PRICKLE3: variants seen among roughly 807,000 people sequenced by gnomAD.
PRICKLE3 encodes LIM domain only protein 6.
PRICKLE3 carries 17 observed loss-of-function variants against 33.8 expected under a neutral mutation model. The observed-to-expected ratio is 0.50, with a 90% CI of 0.34 to 0.75. PRICKLE3 has a LOEUF of 0.75. Ranked by LOEUF, PRICKLE3 falls within the 30% of genes least tolerant of loss-of-function variation. The probability of loss-of-function intolerance (pLI) is 0.01; values close to 1 mark genes in which losing one functional copy is unlikely to be tolerated. For missense variants in PRICKLE3, 573 were observed against 576.7 expected, an observed-to-expected ratio of 0.99 and a Z score of 0.07; for synonymous variants, 211 against 219.6, an observed-to-expected ratio of 0.96 and a Z score of 0.34.
intron 8 of PRICKLE3, 74 bp downstream of exon 8, chrX:49,176,829 G>C: frequency 9.6e-7 from 1 of 1,044,146 alleles, no homozygotes; most frequent in Non-Finnish European, 1.3e-6. Context: ...AGAAGGAAGG[G>C]CCAGGGCTGA....
At position 49,174,986 on chromosome X, in the gene PRICKLE3, T is replaced by C; in HGVS notation, c.*687A>G. Reference sequence around the variant, plus strand: ...AAATGAGGGAAGTGGGGAGTTAGATTTCAGAGTCCAGGCCCTAGGTTGGGA... The same window carrying C: ...AAATGAGGGAAGTGGGGAGTTAGATCTCAGAGTCCAGGCCCTAGGTTGGGA... On this transcript the variant is annotated 3_prime_UTR_variant, in exon 9 of 9. Transcript: ENST00000599218. The C allele has an allele frequency of 2.3e-6, 1 of 428,297 alleles. No homozygotes were observed. The allele number at this position is 428,297 out of a possible 1,213,427, so 35.3% of individuals were successfully genotyped here.
At chrX:49,178,215 G>C in intron 6 of PRICKLE3, 36 bp from the exon 7 acceptor site, 1 of 1,197,871 alleles carries the variant, frequency 8.3e-7, no homozygotes, top group Admixed American at 2.2e-5. Context: ...TGTCAGATGA[G>C]CCTGCTCCTG....
At chrX:49,183,372 A>C (rs1312766121) in intron 3 of PRICKLE3, among the ~76,000 whole-genome samples, 1 of 111,587 alleles carries the variant, frequency 9.0e-6, no homozygotes, top group Non-Finnish European at 1.9e-5. Flanking sequence ...AGCCTGGGCA[A>C]CATAGGGAGA....
At chrX:49,177,279 C>T in intron 7 of PRICKLE3, 77 bp from the exon 8 acceptor site, 1 of 1,005,377 alleles carries the variant, frequency 9.9e-7, no homozygotes, top group Non-Finnish European at 1.3e-6. Flanking sequence ...CGAGTCCCTT[C>T]TCAAGAAGAG....
Position 49,178,394 on chromosome X carries a change from A to C in PRICKLE3, c.646T>G (p.Phe216Val). 8.3e-7 allele frequency: 1 copy of C among 1,211,827 alleles called. No homozygotes were observed. Among genetic ancestry groups the C allele is most frequent in the Non-Finnish European group, 1.1e-6 (1 of 895,198 alleles). Residue 216 changes from phenylalanine to valine, a missense_variant, in exon 6 of 9, where the codon TTC (phenylalanine) becomes GTC (valine). Phe to Val is a conservative substitution (Grantham distance 50). Coordinates refer to ENST00000599218, the MANE Select transcript of PRICKLE3 (RefSeq NM_006150.5). ...AGTTCCTGGCACGTGGTACACACGA[A>C]GCACTGTGGGTGCCAGCAGGCACCC... Reference protein sequence around the residue: ...GLGACWHPQCFVCTTCQELLV... With the variant: ...GLGACWHPQCVVCTTCQELLV...
intron 3 of PRICKLE3, among the ~76,000 whole-genome samples, chrX:49,180,193 C>T (rs1266733247): frequency 9.2e-6 from 1 of 109,024 alleles, no homozygotes; most frequent in Non-Finnish European, 1.9e-5. Flanking sequence ...CCACTATGCC[C>T]AGCTAATTTT....
In PRICKLE3 at chrX:49,176,991, G is replaced by A. The variant is rs782189828; in HGVS notation, c.1167C>T (p.Ala389=). 16 of 1,209,467 alleles carry A rather than the reference G, an allele frequency of 1.3e-5. 1 individual carries two copies. The South Asian group carries it at 2.6e-4, about 20-fold the overall frequency. ...AAGAGGCTGTGGAGGCTGCAAGTGG[G>A]GCTGTGACAGGGCCGGCACTCCAGC... ...RRSWSAGPVT[A]PLAASTASFS... is the part of the protein sequence containing the mutation. Residue 389 remains alanine, a synonymous_variant, in exon 8 of 9, where the codon GCC becomes GCT. Transcript: ENST00000599218.
chrX:49,181,585 ACGCG>A (rs2065454728), intron 3 of PRICKLE3, among the ~76,000 whole-genome samples: 1 of 53,912 alleles, frequency 1.9e-5, no homozygotes, highest in African/African-American at 7.0e-5. Flanking sequence ...GTATATATAT[ACGCG>A]TGTATCTATA....
chrX:49,184,023 A>C, intron 2 of PRICKLE3, 106 bp from the exon 3 acceptor site: 9 of 962,755 alleles, frequency 9.3e-6, no homozygotes, highest in Non-Finnish European at 1.3e-5. Flanking sequence ...ATCACCACCA[A>C]AGGTCTGTGA....
intron 3 of PRICKLE3, among the ~76,000 whole-genome samples, chrX:49,180,653 C>G (rs1299663677): frequency 7.2e-5 from 8 of 111,718 alleles, no homozygotes; most frequent in African/African-American, 2.6e-4. Flanking sequence ...ATTGGCTGCT[C>G]CTTCTTTGTC....
In PRICKLE3 at chrX:49,175,331, G is replaced by A. The variant is rs2065408757; in HGVS notation, c.*342C>T. The A allele has an allele frequency of 4.7e-6, 1 of 212,677 alleles. No homozygotes were observed. Among genetic ancestry groups the A allele is most frequent in the Non-Finnish European group, 8.4e-6 (1 of 118,733 alleles). The allele number at this position is 212,677 out of a possible 1,213,427, so 17.5% of individuals were successfully genotyped here. ...GCCCAGGAGTTCTAGACCAGCCTGG[G>A]CAACATGGCAAAACCCCATCTCTAC... is the stretch of plus-strand genomic sequence containing the variant. On this transcript the variant is annotated 3_prime_UTR_variant, in exon 9 of 9. Coordinates refer to ENST00000599218, the MANE Select transcript of PRICKLE3 (RefSeq NM_006150.5).
At chrX:49,184,517 T>A (rs2065473095) in intron 2 of PRICKLE3, 108 bp downstream of exon 2, 1 of 714,335 alleles carries the variant, frequency 1.4e-6, no homozygotes, top group African/African-American at 2.3e-5. Flanking sequence ...CCAACTGAGA[T>A]CCCTCTGTAG....
Position 49,176,063 on chromosome X carries a change from C to T in PRICKLE3, c.1458G>A (p.Pro486=). 8.3e-7 allele frequency: 1 copy of T among 1,206,882 alleles called. No individual in the cohort carries two copies. Among genetic ancestry groups the T allele is most frequent in the Non-Finnish European group, 1.1e-6 (1 of 893,496 alleles). The change falls in exon 9 of 9, where the codon CCG becomes CCA. Residue 486 remains proline (P), a synonymous_variant. Coordinates refer to ENST00000599218, the MANE Select transcript of PRICKLE3 (RefSeq NM_006150.5). ...CCGGGGGTGCACTCAGGGTCCGGCG[C>T]GGGCCTCCTTCAGACACCAGAGGGT... ...FRDPLVSEGG[P]RRTLSAPPAQ...
chrX:49,179,386 T>C lies in PRICKLE3; in HGVS notation c.429A>G (p.Ala143=). The change falls in exon 5 of 9, where the codon GCA becomes GCG. Residue 143 remains alanine (A), a splice_region_variant and synonymous_variant. Coordinates refer to ENST00000599218, the MANE Select transcript of PRICKLE3 (RefSeq NM_006150.5). ...CCTCTTCCAGTGCTGTGCAGTACTG[T>C]GCCTGGGAGGAGAAGGCATCTCCCA... ...LHQLPPHDSE[A]QYCTALEEEE... is the part of the protein sequence containing the mutation. 1 of 1,207,777 alleles carries C rather than the reference T, an allele frequency of 8.3e-7. No homozygotes were observed. Among genetic ancestry groups the C allele is most frequent in the Non-Finnish European group, 1.1e-6 (1 of 892,871 alleles).
At chrX:49,184,740 G>T (rs2065474786) in intron 1 of PRICKLE3, 30 bp from the exon 2 acceptor site, 1 of 1,163,064 alleles carries the variant, frequency 8.6e-7, no homozygotes, top group Non-Finnish European at 1.2e-6. Flanking sequence ...ATGCAGGGCC[G>T]GGTGAGGCGC....
Position 49,183,903 on chromosome X carries a change from T to C in PRICKLE3, c.143A>G (p.His48Arg). 2 of 1,206,327 alleles carry C rather than the reference T, an allele frequency of 1.7e-6. No homozygotes were observed. The highest frequency in any genetic ancestry group is 4.4e-5 in the Admixed American group (2 of 45,902). ...ATGCTCCTCCCGCGGGCATTTGCAA[T>C]GCTGGCAGATCTTTCTGAGGGGGCC... ...LLHGWRKICQ[H>R]CKCPREEHAV... The change falls in exon 3 of 9, where the codon CAT (histidine) becomes CGT (arginine). Residue 48 changes from histidine to arginine, a missense_variant. By Grantham distance (29) the His-to-Arg change is conservative. Transcript: ENST00000599218.
rs782414154 is a variant in PRICKLE3 at position 49,177,202 on chromosome X, C to A, written c.956G>T (p.Gly319Val). The A allele has an allele frequency of 8.7e-7, 1 of 1,149,342 alleles. No homozygotes were observed. Among genetic ancestry groups the A allele is most frequent in the Admixed American group, 2.8e-5 (1 of 35,676 alleles). 94.7% of individuals were successfully genotyped at this position (1,149,342 alleles called of 1,213,427 possible). A position where few individuals can be genotyped will look rare whatever the true frequency, so the allele number is the denominator to read the frequency against. ...GTAAGCCATCTGGCCTTGGTCCAGGCCTGTGGGGAACGACGAGGGGGAAAA... is the reference window on the plus strand; with the variant it reads ...GTAAGCCATCTGGCCTTGGTCCAGGACTGTGGGGAACGACGAGGGGGAAAA... The part of the protein sequence containing the change: ...EYCDGCGEHI[G>V]LDQGQMAYEG... The change falls in exon 8 of 9, where the codon GGC becomes GTC. Residue 319 changes from glycine to valine, a missense_variant and splice_region_variant. Coordinates refer to ENST00000599218, the MANE Select transcript of PRICKLE3 (RefSeq NM_006150.5).
intron 3 of PRICKLE3, among the ~76,000 whole-genome samples, chrX:49,181,019 G>T (rs187560473): frequency 5.9e-4 from 65 of 109,790 alleles, no homozygotes; most frequent in Non-Finnish European, 1.0e-3. Flanking sequence ...TATCCTCAGG[G>T]TCATCTTTCA....
Position 49,182,395 on chromosome X carries a change from C to T in PRICKLE3, c.312+1339G>A, listed in dbSNP as rs1048959525. Among the ~76,000 whole-genome samples, 3 of 112,120 alleles carry T rather than the reference C, an allele frequency of 2.7e-5. No individual in the cohort carries two copies. The Admixed American group carries it at 2.8e-4, about 11-fold the overall frequency. On this transcript the variant is annotated intron_variant, in intron 3 of 8. Transcript: ENST00000599218. ...TGACAACCCTCTTGCGACTTCCCTTCATTCACAGGCAAAGCCAAAGTCCTC... is the reference window on the plus strand; with the variant it reads ...TGACAACCCTCTTGCGACTTCCCTTTATTCACAGGCAAAGCCAAAGTCCTC...
Sources: allele counts gnomAD v4.1 joint callset (sites outside exome capture counted in the v4.1 genomes callset), GRCh38; gene constraint gnomAD v4.1.1; transcripts MANE v1.5; gene names NCBI Gene and HGNC (gene_info 2026-07-23, HGNC 2026-07-21).